Variants in SH3KBP1 observed in about 807,000 individuals in gnomAD.
SH3KBP1 encodes SH3 domain-containing kinase-binding protein 1.
SH3KBP1 carries 8 observed loss-of-function variants against 50.1 expected under a neutral mutation model. The observed-to-expected ratio is 0.16, with a 90% CI of 0.09 to 0.29. The LOEUF (loss-of-function observed/expected upper bound fraction) is 0.29, where lower values mean the gene tolerates loss of function less well. SH3KBP1 is among the 10% of genes least tolerant of loss of function. SH3KBP1 has a pLI of 1.00. For missense variants in SH3KBP1, 377 were observed against 535.2 expected, an observed-to-expected ratio of 0.70 and a Z score of 2.92; for synonymous variants, 227 against 218.6, an observed-to-expected ratio of 1.04 and a Z score of -0.34.
intron 4 of SH3KBP1, among the ~76,000 whole-genome samples, chrX:19,704,371 G>A (rs1473530682): frequency 1.8e-5 from 2 of 112,212 alleles, no homozygotes; most frequent in African/African-American, 6.5e-5. Context: ...AGGCAAAAGT[G>A]GGCAATATTT....
At chrX:19,805,844 T>C (rs1331667773) in intron 2 of SH3KBP1, among the ~76,000 whole-genome samples, 1 of 111,831 alleles carries the variant, frequency 8.9e-6, no homozygotes, top group Admixed American at 9.5e-5. Context: ...TGTTTGCTGT[T>C]TTCCTCATCT....
chrX:19,555,453 C>T (rs2065459271), intron 13 of SH3KBP1, among the ~76,000 whole-genome samples: 1 of 112,093 alleles, frequency 8.9e-6, no homozygotes, highest in African/African-American at 3.2e-5. Context: ...AGCACATCCA[C>T]TGAAAGCACA....
chrX:19,567,573 T>TA (rs1320752113), intron 13 of SH3KBP1, among the ~76,000 whole-genome samples: 1 of 79,974 alleles, frequency 1.3e-5, no homozygotes, highest in Non-Finnish European at 2.3e-5. Context: ...TATATATATA[T>TA]TGCATAGAGC....
At chrX:19,765,253 A>G (rs1477994558) in intron 2 of SH3KBP1, among the ~76,000 whole-genome samples, 1 of 110,758 alleles carries the variant, frequency 9.0e-6, no homozygotes, top group Non-Finnish European at 1.9e-5. Flanking sequence ...AGATTACCAA[A>G]AACTTGGCGA....
At chrX:19,755,408 A>C (rs2065183646) in intron 2 of SH3KBP1, among the ~76,000 whole-genome samples, 1 of 111,932 alleles carries the variant, frequency 8.9e-6, no homozygotes, top group Non-Finnish European at 1.9e-5. Context: ...CAGAAAACTA[A>C]GAATATAACA....
At chrX:19,669,535 C>T (rs1045498775) in intron 6 of SH3KBP1, among the ~76,000 whole-genome samples, 1 of 110,647 alleles carries the variant, frequency 9.0e-6, no homozygotes, top group South Asian at 3.8e-4. Context: ...GACTTTCCCA[C>T]GTTTTTCACA....
chrX:19,687,741 G>T, intron 5 of SH3KBP1: 1 of 958,873 alleles, frequency 1.0e-6, no homozygotes, highest in East Asian at 3.1e-5. Flanking sequence ...AGAGAGGGGG[G>T]AGGAGGGAGC....
At chrX:19,787,596 C>T (rs2066387643) in intron 2 of SH3KBP1, among the ~76,000 whole-genome samples, 1 of 111,792 alleles carries the variant, frequency 8.9e-6, no homozygotes, top group African/African-American at 3.3e-5. Flanking sequence ...CATCTCAATT[C>T]ACAGGCACAA....
intron 6 of SH3KBP1, among the ~76,000 whole-genome samples, chrX:19,664,073 C>T (rs2062534093): frequency 8.9e-6 from 1 of 111,758 alleles, no homozygotes; most frequent in Non-Finnish European, 1.9e-5. Context: ...ACCTGGGCAA[C>T]AAAGCAAGAC....
rs35710169 is a variant in SH3KBP1, at chrX:19,757,562, C to CA, written c.163-11122dup. Among the ~76,000 whole-genome samples the CA allele has an allele frequency of 3.1e-3, 247 of 78,428 alleles. 5 individuals are homozygous for CA. The highest frequency in any genetic ancestry group is 7.7e-3 in the East Asian group (18 of 2,339). 68.1% of individuals were successfully genotyped at this position (78,428 alleles called of 115,157 possible). A position where few individuals can be genotyped will look rare whatever the true frequency, so the allele number is the denominator to read the frequency against. ...CCCATTTGTCTATATTATCTTATGT[C>CA]AAAAAAAAAAAAAAAAGCAGATTCA... On this transcript the variant is annotated intron_variant, in intron 2 of 17. Coordinates refer to ENST00000397821, the MANE Select transcript of SH3KBP1 (RefSeq NM_031892.3).
intron 15 of SH3KBP1, among the ~76,000 whole-genome samples, chrX:19,542,914 C>T (rs1025050675): frequency 1.8e-5 from 2 of 111,702 alleles, no homozygotes; most frequent in African/African-American, 6.5e-5. Context: ...GAGAGGAGGG[C>T]ACACGGTGCT....
chrX:19,696,826 C>T (rs1418338584), intron 4 of SH3KBP1, among the ~76,000 whole-genome samples: 6 of 111,948 alleles, frequency 5.4e-5, no homozygotes, highest in Non-Finnish European at 9.4e-5. Flanking sequence ...ACCATGTGCA[C>T]GTACAGACAG....
At chrX:19,883,211 A>G (rs868069798) in intron 1 of SH3KBP1, among the ~76,000 whole-genome samples, 35 of 112,434 alleles carry the variant, frequency 3.1e-4, no homozygotes, top group Middle Eastern at 9.2e-3. Context: ...ATGAAGCCAG[A>G]GAATCTGTAT....
intron 13 of SH3KBP1, among the ~76,000 whole-genome samples, chrX:19,565,899 A>T (rs1478237448): frequency 9.1e-6 from 1 of 109,644 alleles, no homozygotes; most frequent in Admixed American, 9.7e-5. Flanking sequence ...GTTTTACATT[A>T]CAAAATGATT....
intron 2 of SH3KBP1, among the ~76,000 whole-genome samples, chrX:19,781,716 A>C (rs1383746117): frequency 9.0e-6 from 1 of 111,159 alleles, no homozygotes; most frequent in African/African-American, 3.3e-5. Context: ...ATGGGAATTA[A>C]CAATAAATGG....
chrX:19,778,187 C>A (rs1373624852), intron 2 of SH3KBP1, among the ~76,000 whole-genome samples: 3 of 111,204 alleles, frequency 2.7e-5, no homozygotes, highest in Non-Finnish European at 3.8e-5. Flanking sequence ...AATCCCAGCA[C>A]TTTGGGAGGC....
At chrX:19,545,692 CA>C (rs2065062446) in intron 15 of SH3KBP1, among the ~76,000 whole-genome samples, 1 of 111,864 alleles carries the variant, frequency 8.9e-6, no homozygotes, top group Middle Eastern at 4.2e-3. Flanking sequence ...AAGAGGAGAT[CA>C]AACCACAAGA....
intron 3 of SH3KBP1, among the ~76,000 whole-genome samples, chrX:19,734,653 A>G (rs773873792): frequency 4.5e-5 from 5 of 111,938 alleles, no homozygotes; most frequent in Non-Finnish European, 9.4e-5. Context: ...TATCACCCCA[A>G]AAAGAAACTT....
chrX:19,842,157 A>G (rs1385744031), intron 1 of SH3KBP1, among the ~76,000 whole-genome samples: 3 of 112,217 alleles, frequency 2.7e-5, no homozygotes, highest in Non-Finnish European at 5.6e-5. Flanking sequence ...GAGTTACAGG[A>G]TGCTGTAAAT....
Sources: allele counts gnomAD v4.1 joint callset (sites outside exome capture counted in the v4.1 genomes callset), GRCh38; gene constraint gnomAD v4.1.1; transcripts MANE v1.5; gene names NCBI Gene and HGNC (gene_info 2026-07-23, HGNC 2026-07-21).